AFDN: variants seen among roughly 807,000 people sequenced by gnomAD.
AFDN encodes the protein afadin.
In AFDN, 68 loss-of-function variants were observed where a neutral mutation model predicts 216.6. That is an observed-to-expected ratio of 0.31 (90% CI 0.26 to 0.38). The LOEUF (loss-of-function observed/expected upper bound fraction) is 0.38. AFDN is among the 10% of genes least tolerant of loss of function. The pLI is 1.00. For synonymous variants in AFDN, 868 were observed against 853.7 expected, an observed-to-expected ratio of 1.02 and a Z score of -0.29; for missense variants, 2,136 against 2,342.0, an observed-to-expected ratio of 0.91 and a Z score of 1.82.
rs181369611 is a variant in AFDN, at chr6:167,945,697, A to G, written c.3359-1010A>G. ...TCACGGATGTGGTTCATCATTGACCAAAATGGGCTTATTTGGTTCATGACT... is the reference window on the plus strand; with the variant it reads ...TCACGGATGTGGTTCATCATTGACCGAAATGGGCTTATTTGGTTCATGACT... On this transcript the variant is annotated intron_variant, in intron 26 of 33. Transcript: ENST00000683244. 5.9e-5 allele frequency among the ~76,000 whole-genome samples: 9 copies of G among 152,354 alleles called. No individual in the cohort carries two copies. The East Asian group carries it at 9.6e-4, about 16-fold the overall frequency.
Position 167,951,457 on chromosome 6 carries a change from G to A in AFDN, c.4103G>A (p.Arg1368Gln), listed in dbSNP as rs545826394. 2.6e-5 allele frequency: 42 copies of A among 1,613,932 alleles called. No homozygotes were observed. The highest frequency in any genetic ancestry group is 5.0e-5 in the Admixed American group (3 of 60,006). The change falls in exon 30 of 34, where the codon CGA becomes CAA. Residue 1368 changes from arginine (R) to glutamine (Q), a missense_variant. This residue lies in a region of AFDN where 981 missense variants were observed against 966.0 expected (regional missense o/e 1.02). Transcript: ENST00000683244. The surrounding 1 kb of genome is among the most constrained non-coding windows in gnomAD (Gnocchi z 7.1). ...CCTGTGGCCGTCTCCCAGCCAATCC[G>A]AACAGACCTGCCTCCGCCACCCCCG... Reference protein sequence around the residue: ...ATPVAVSQPIRTDLPPPPPPP... With the variant: ...ATPVAVSQPIQTDLPPPPPPP...
At chr6:167,887,568 G>A (rs6925006) in intron 6 of AFDN, among the ~76,000 whole-genome samples, 79,094 of 150,912 alleles carry the variant, frequency 0.52, 21,309 homozygotes, top group African/African-American at 0.58. Context: ...CCATTCTCCT[G>A]CCTCAGCCTC....
intron 31 of AFDN, chr6:167,963,238 G>T: frequency 9.4e-7 from 1 of 1,063,514 alleles, no homozygotes. Flanking sequence ...CCTTTGTCCT[G>T]TGTGTGTGGC....
At chr6:167,909,557 C>T (rs185149687) in intron 13 of AFDN, among the ~76,000 whole-genome samples, 1 of 152,170 alleles carries the variant, frequency 6.6e-6, no homozygotes, top group East Asian at 1.9e-4. Flanking sequence ...TTAATTCTGG[C>T]CGTACAGTAC....
chr6:167,861,747 T>C (rs1262463528), intron 1 of AFDN, among the ~76,000 whole-genome samples: 1 of 152,230 alleles, frequency 6.6e-6, no homozygotes, highest in African/African-American at 2.4e-5. Context: ...GCTTCTGTTT[T>C]TCTTTTGGTT....
chr6:167,914,492 T>C (rs1790793153), intron 17 of AFDN, 152 bp from the exon 18 acceptor site: 1 of 876,372 alleles, frequency 1.1e-6, no homozygotes, highest in Non-Finnish European at 1.7e-6. Context: ...AATATAGTTA[T>C]ACTGAATTCA....
intron 23 of AFDN, among the ~76,000 whole-genome samples, chr6:167,929,990 G>A (rs1793076826): frequency 6.6e-6 from 1 of 152,152 alleles, no homozygotes; most frequent in Non-Finnish European, 1.5e-5. Flanking sequence ...GATCACTTGA[G>A]CCCAGGAGTT....
At chr6:167,834,982 A>G (rs142736670) in intron 1 of AFDN, among the ~76,000 whole-genome samples, 2,202 of 152,242 alleles carry the variant, frequency 0.014, 58 homozygotes, top group African/African-American at 0.05. Context: ...GTGAGACCCC[A>G]TCTCAAAAAA....
chr6:167,947,206 A>G (rs889578296), intron 27 of AFDN, among the ~76,000 whole-genome samples: 37 of 148,310 alleles, frequency 2.5e-4, no homozygotes, highest in African/African-American at 7.7e-4. Context: ...ACGGAGTCTC[A>G]CTCTCTCGCC....
intron 26 of AFDN, 151 bp downstream of exon 26, chr6:167,944,210 G>A (rs1795013552): frequency 3.4e-6 from 2 of 590,764 alleles, no homozygotes; most frequent in Middle Eastern, 4.6e-4. Flanking sequence ...TAGTGCCTGG[G>A]ATTCCCATGT....
chr6:167,851,388 A>G (rs1387703735), intron 1 of AFDN, among the ~76,000 whole-genome samples: 1 of 152,196 alleles, frequency 6.6e-6, no homozygotes, highest in Non-Finnish European at 1.5e-5. Flanking sequence ...TATTAAGCCT[A>G]GTATCCATTA....
intron 1 of AFDN, among the ~76,000 whole-genome samples, chr6:167,828,776 T>G (rs1382434877): frequency 1.4e-5 from 2 of 147,212 alleles, no homozygotes; most frequent in Admixed American, 6.8e-5. Flanking sequence ...TTGAATGGAT[T>G]TTTTTTTTTT....
At chr6:167,866,126 T>G (rs1225974854) in intron 2 of AFDN, among the ~76,000 whole-genome samples, 1 of 151,792 alleles carries the variant, frequency 6.6e-6, no homozygotes, top group African/African-American at 2.4e-5. Flanking sequence ...CTTTTTTTTC[T>G]TTTTAGTCTG....
At chr6:167,835,953 G>A (rs967290437) in intron 1 of AFDN, among the ~76,000 whole-genome samples, 2 of 152,078 alleles carry the variant, frequency 1.3e-5, no homozygotes, top group African/African-American at 2.4e-5. Flanking sequence ...TAATATAAAC[G>A]TATAATATTT....
At chr6:167,932,382 G>A (rs1003924929) in intron 23 of AFDN, among the ~76,000 whole-genome samples, 5 of 152,110 alleles carry the variant, frequency 3.3e-5, no homozygotes, top group Middle Eastern at 3.2e-3. Context: ...TTTTGGGGAC[G>A]GTCAGCAGGC....
intron 1 of AFDN, among the ~76,000 whole-genome samples, chr6:167,842,948 A>T (rs1235544663): frequency 3.3e-5 from 5 of 152,200 alleles, no homozygotes; most frequent in Non-Finnish European, 5.9e-5. Flanking sequence ...TCTACAAAAA[A>T]AAACTAAAAC....
At chr6:167,915,582 G>A in intron 19 of AFDN, 149 bp downstream of exon 19, 1 of 876,526 alleles carries the variant, frequency 1.1e-6, no homozygotes, top group Non-Finnish European at 1.7e-6. Flanking sequence ...TGCTATGTGA[G>A]TACTTGGGCT....
chr6:167,904,213 T>G (rs1235807339), intron 12 of AFDN, among the ~76,000 whole-genome samples: 1 of 151,814 alleles, frequency 6.6e-6, no homozygotes, highest in African/African-American at 2.4e-5. Context: ...CTCTCTCTTT[T>G]TTTTTTTTCT....
chr6:167,923,520 TATC>T (rs1220046661), intron 22 of AFDN, among the ~76,000 whole-genome samples: 4 of 152,100 alleles, frequency 2.6e-5, no homozygotes, highest in African/African-American at 9.7e-5. Flanking sequence ...TTGAGCATCA[TATC>T]ATGGCCATCT....
Sources: allele counts gnomAD v4.1 joint callset (sites outside exome capture counted in the v4.1 genomes callset), GRCh38; gene constraint gnomAD v4.1.1; regional missense constraint gnomAD v4.1.1; non-coding constraint Gnocchi (gnomAD v3.1); transcripts MANE v1.5; gene names NCBI Gene and HGNC (gene_info 2026-07-23, HGNC 2026-07-21).